SLC4A4: variants seen among roughly 807,000 people sequenced by gnomAD.
SLC4A4 encodes solute carrier family 4 member 4.
SLC4A4 carries 27 observed loss-of-function variants against 111.5 expected under a neutral mutation model. The ratio of observed to expected loss-of-function variants is 0.24; its 90% CI spans 0.18 to 0.33. SLC4A4 has a LOEUF of 0.33. Ranked by LOEUF, SLC4A4 falls within the 10% of genes least tolerant of loss-of-function variation. SLC4A4 has a pLI of 1.00. For synonymous variants in SLC4A4, 443 were observed against 463.4 expected, an observed-to-expected ratio of 0.96 and a Z score of 0.57; for missense variants, 909 against 1,315.5, an observed-to-expected ratio of 0.69 and a Z score of 4.78.
intron 1 of SLC4A4, among the ~76,000 whole-genome samples, chr4:71,091,930 G>C (rs1374578332): frequency 6.6e-6 from 1 of 152,172 alleles, no homozygotes; most frequent in Non-Finnish European, 1.5e-5. Flanking sequence ...TGAGAACTGT[G>C]TTGGAACTAT....
chr4:71,511,758 C>G (rs1731942961), intron 16 of SLC4A4, among the ~76,000 whole-genome samples: 2 of 152,016 alleles, frequency 1.3e-5, no homozygotes, highest in African/African-American at 4.8e-5. Context: ...CAAATTTATT[C>G]TCTGCCCTAC....
intron 3 of SLC4A4, among the ~76,000 whole-genome samples, chr4:71,321,676 G>A (rs1218361117): frequency 2.0e-5 from 3 of 151,876 alleles, no homozygotes; most frequent in Non-Finnish European, 4.4e-5. Context: ...AAGCAGAGGG[G>A]CAAAGAAGGC....
chr4:71,075,333 C>T (rs1403837467), intron 1 of SLC4A4, among the ~76,000 whole-genome samples: 1 of 152,268 alleles, frequency 6.6e-6, no homozygotes, highest in East Asian at 1.9e-4. Flanking sequence ...TCCATTTCAT[C>T]CCAGATGGAC....
chr4:71,130,578 C>T (rs1223313177), intron 2 of SLC4A4, among the ~76,000 whole-genome samples: 1 of 152,110 alleles, frequency 6.6e-6, no homozygotes, highest in Non-Finnish European at 1.5e-5. Context: ...TTTCAATATG[C>T]TCTTAGCACT....
chr4:71,238,935 C>T (rs151001123), intron 2 of SLC4A4, among the ~76,000 whole-genome samples: 6 of 152,000 alleles, frequency 3.9e-5, no homozygotes, highest in Admixed American at 1.3e-4. Context: ...AAGAAACAGA[C>T]GGCCTATGTT....
chr4:71,125,363 A>G (rs1578503573), intron 2 of SLC4A4, among the ~76,000 whole-genome samples: 1 of 152,240 alleles, frequency 6.6e-6, no homozygotes, highest in African/African-American at 2.4e-5. Flanking sequence ...ACTTGAGGCC[A>G]GGACTTGGAG....
intron 8 of SLC4A4, among the ~76,000 whole-genome samples, chr4:71,441,606 T>C (rs1372049424): frequency 1.3e-5 from 2 of 151,988 alleles, no homozygotes; most frequent in African/African-American, 4.8e-5. Flanking sequence ...GGGCTATGAA[T>C]CCTCCTCAGT....
chr4:71,486,523 T>C (rs1241359266), intron 14 of SLC4A4, among the ~76,000 whole-genome samples: 1 of 151,572 alleles, frequency 6.6e-6, no homozygotes, highest in Non-Finnish European at 1.5e-5. Flanking sequence ...AAGCTACAAA[T>C]TATTTAAGTC....
intron 14 of SLC4A4, among the ~76,000 whole-genome samples, chr4:71,475,047 G>A (rs1280765120): frequency 2.0e-5 from 3 of 151,776 alleles, no homozygotes; most frequent in Non-Finnish European, 2.9e-5. Flanking sequence ...ACATTTAATT[G>A]TGAGATTTTC....
At chr4:71,308,522 G>A (rs1725873520) in intron 3 of SLC4A4, among the ~76,000 whole-genome samples, 2 of 152,100 alleles carry the variant, frequency 1.3e-5, no homozygotes, top group Non-Finnish European at 2.9e-5. Flanking sequence ...AACTGAGGTA[G>A]CCAGTTCATC....
intron 1 of SLC4A4, among the ~76,000 whole-genome samples, chr4:71,213,380 T>C (rs568895665): frequency 1.3e-4 from 20 of 152,320 alleles, no homozygotes; most frequent in African/African-American, 4.6e-4. Context: ...TAGAGAAGCC[T>C]CTGTTCTTAT....
intron 14 of SLC4A4, among the ~76,000 whole-genome samples, chr4:71,478,244 A>T (rs1728545816): frequency 6.6e-6 from 1 of 152,002 alleles, no homozygotes; most frequent in South Asian, 2.1e-4. Context: ...CATTTGACCC[A>T]GCAATCCCGT....
intron 1 of SLC4A4, among the ~76,000 whole-genome samples, chr4:71,190,177 T>C (rs1745661803): frequency 6.6e-6 from 1 of 152,224 alleles, no homozygotes; most frequent in African/African-American, 2.4e-5. Flanking sequence ...TAAAGTTTTA[T>C]TTGAGGTCAG....
Position 71,451,108 on chromosome 4 carries a change from A to G in SLC4A4, c.1209-80A>G, listed in dbSNP as rs575876493. The G allele has an allele frequency of 1.0e-4, 98 of 937,418 alleles. 1 individual carries two copies. The South Asian group carries it at 1.3e-3, about 12-fold the overall frequency. The allele number at this position is 937,418 out of a possible 1,614,324, so 58.1% of individuals were successfully genotyped here. On this transcript the variant is annotated intron_variant, in intron 10 of 25. Transcript: ENST00000264485. ...TTAAGGGTTTTCACTCCATCTCCCC[A>G]TTAGCCAGAGCATGATACAGCTAAG...
intron 20 of SLC4A4, among the ~76,000 whole-genome samples, chr4:71,553,989 T>G (rs1188419572): frequency 6.6e-6 from 1 of 151,896 alleles, no homozygotes; most frequent in Non-Finnish European, 1.5e-5. Context: ...GGATATTTAT[T>G]TCATATAAAT....
In SLC4A4 at chr4:71,072,771, T is replaced by C. The variant is rs562206474; in HGVS notation, c.-65+9983T>C. Among the ~76,000 whole-genome samples, 32 of 152,204 alleles carry C rather than the reference T, an allele frequency of 2.1e-4. No individual in the cohort carries two copies. In the South Asian group the frequency reaches 6.4e-3, roughly 31 times the overall value. ...ATAAATGGGGGTTTATCTTCCTTTT[T>C]ATTTTTATTTTTTGAGACAGGTGTC... On this transcript the variant is annotated intron_variant, in intron 1 of 26. Transcript: ENST00000649996.
intron 1 of SLC4A4, among the ~76,000 whole-genome samples, chr4:71,082,989 G>C (rs113612445): frequency 9.1e-4 from 138 of 152,028 alleles, no homozygotes; most frequent in Non-Finnish European, 1.5e-3. Flanking sequence ...AAGTAGCTGG[G>C]ATTACAGGCG....
intron 1 of SLC4A4, among the ~76,000 whole-genome samples, chr4:71,220,748 A>G (rs1016624379): frequency 6.6e-6 from 1 of 151,918 alleles, no homozygotes; most frequent in Admixed American, 6.6e-5. Flanking sequence ...TTGGGGGTAC[A>G]TGTGAAGGTT....
chr4:71,248,940 A>G (rs776129845), intron 2 of SLC4A4, among the ~76,000 whole-genome samples: 36 of 152,192 alleles, frequency 2.4e-4, no homozygotes, highest in Admixed American at 5.2e-4. Flanking sequence ...TAACAATCAT[A>G]AGCTTGTGTC....
Sources: allele counts gnomAD v4.1 joint callset (sites outside exome capture counted in the v4.1 genomes callset), GRCh38; gene constraint gnomAD v4.1.1; transcripts MANE v1.5; gene names NCBI Gene and HGNC (gene_info 2026-07-23, HGNC 2026-07-21).